ASPDH: variants seen among roughly 807,000 people sequenced by gnomAD.
The protein encoded by ASPDH is aspartate dehydrogenase domain containing.
Under a neutral mutation model 30.5 loss-of-function variants are expected in ASPDH, and 25 were observed. The ratio of observed to expected loss-of-function variants is 0.82; its 90% CI spans 0.60 to 1.14. ASPDH has a LOEUF of 1.14. ASPDH is among the 50% of genes most tolerant of loss of function. ASPDH has a pLI of 0.00. For synonymous variants in ASPDH, 168 were observed against 156.3 expected, an observed-to-expected ratio of 1.07 and a Z score of -0.56; for missense variants, 401 against 381.5, an observed-to-expected ratio of 1.05 and a Z score of -0.43.
At chr19:50,514,568 C>T (rs1032965444), upstream of ASPDH, 3 of 1,613,410 alleles carry the variant, frequency 1.9e-6, no homozygotes, top group Admixed American at 1.7e-5. Flanking sequence ...CCTCCCGTTC[C>T]CCAGCTCGCG....
chr19:50,513,626 G>T lies in ASPDH; in HGVS notation c.52+146C>A. The stretch of plus-strand genomic sequence containing the variant: ...GGGAGACAGAGACGGAGAGGACAGA[G>T]ACCTGGGGTGGGGGTGCAGTGGGCA... On this transcript the variant is annotated intron_variant, in intron 1 of 6. Transcript: ENST00000389208. The surrounding 1 kb of genome is among the most constrained non-coding windows in gnomAD (Gnocchi z 4.9). 2.6e-6 allele frequency: 2 copies of T among 769,390 alleles called. No individual in the cohort carries two copies. Among genetic ancestry groups the T allele is most frequent in the Non-Finnish European group, 2.1e-6 (1 of 466,544 alleles). 47.7% of individuals were successfully genotyped at this position (769,390 alleles called of 1,614,324 possible).
chr19:50,511,763 C>T lies in ASPDH; in HGVS notation c.819G>A (p.Gln273=). Residue 273 remains glutamine (Q), a synonymous_variant, in exon 7 of 7, where the codon CAG becomes CAA. Transcript: ENST00000389208. ...AFWQSLLACC[Q]LPSRPGIHLC is the part of the protein sequence containing the mutation. ...GATGGATCCCCGGCCTGGAGGGGAG[C>T]TGGCAGCAGGCTGCGGGGAGAGGGG... 1 of 1,311,152 alleles carries T rather than the reference C, an allele frequency of 7.6e-7. No homozygotes were observed. Among genetic ancestry groups the T allele is most frequent in the Non-Finnish European group, 9.8e-7 (1 of 1,024,654 alleles). 81.2% of individuals were successfully genotyped at this position (1,311,152 alleles called of 1,614,324 possible).
intron 6 of ASPDH, 169 bp downstream of exon 6, chr19:50,511,967 T>C: frequency 3.7e-6 from 2 of 545,504 alleles, no homozygotes; most frequent in East Asian, 4.6e-5. Context: ...TGGAGACATC[T>C]ACAGTGCCAG....
At chr19:50,511,917 G>A (rs1979917564) in intron 6 of ASPDH, 144 bp from the exon 7 acceptor site, 3 of 531,626 alleles carry the variant, frequency 5.6e-6, no homozygotes, top group Non-Finnish European at 8.9e-6. Flanking sequence ...CCTGGGGGTG[G>A]ACAGAGACAG....
chr19:50,514,428 C>T (rs781653499), upstream of ASPDH: 1 of 1,613,150 alleles, frequency 6.2e-7, no homozygotes, highest in Non-Finnish European at 8.5e-7. Context: ...TTCCCACAGC[C>T]TCCGCCCCTG....
Position 50,513,804 on chromosome 19 carries a change from C to CA in ASPDH, c.19dup (p.Trp7LeufsTer37). On this transcript the variant is annotated frameshift_variant, in exon 1 of 7. Transcript: ENST00000389208. LOFTEE classifies it high-confidence loss of function. This position sits in a 1 kb window ranked among gnomAD's most constrained non-coding sequence, Gnocchi z 4.9. ...GCCATAGCCCACCACGCCCACCCTC[C>CA]ACGGGCCCCTGTCGGCCATGGCCCT... is the stretch of plus-strand genomic sequence containing the variant. 6.4e-7 allele frequency: 1 copy of CA among 1,550,958 alleles called. No homozygotes were observed. Among genetic ancestry groups the CA allele is most frequent in the African/African-American group, 1.4e-5 (1 of 73,148 alleles).
rs963031207 is a variant in ASPDH, at chr19:50,513,396, G to A, written c.73C>T (p.Leu25Phe). 10 of 1,520,872 alleles carry A rather than the reference G, an allele frequency of 6.6e-6. No homozygotes were observed. The highest frequency in any genetic ancestry group is 7.1e-6 in the Non-Finnish European group (8 of 1,133,558). 94.2% of individuals were successfully genotyped at this position (1,520,872 alleles called of 1,614,324 possible). A position where few individuals can be genotyped will look rare whatever the true frequency, so the allele number is the denominator to read the frequency against. The stretch of plus-strand genomic sequence containing the variant: ...CCAAGTTCTGGTCCCTGAGCCAAGA[G>A]GCGGGAGACGAGGGACTGTCCTGGG... ...GRLGQSLVSR[L>F]LAQGPELGLE... The change falls in exon 2 of 7, where the codon CTC becomes TTC. Residue 25 changes from leucine to phenylalanine, a missense_variant. By Grantham distance (22) the Leu-to-Phe change is conservative. Transcript: ENST00000389208. The surrounding 1 kb of genome is among the most constrained non-coding windows in gnomAD (Gnocchi z 4.9).
Position 50,513,850 on chromosome 19 carries a change from G to A in ASPDH, c.-27C>T, listed in dbSNP as rs1980109371. On this transcript the variant is annotated 5_prime_UTR_variant, in exon 1 of 7. Transcript: ENST00000389208. This position sits in a 1 kb window ranked among gnomAD's most constrained non-coding sequence, Gnocchi z 4.9. ...GCCCTGAGTGCGGTGTCTGGGGCCT[G>A]GCTCCCTGGGCTGCTCGCTGCCCGC... The A allele has an allele frequency of 1.9e-6, 3 of 1,546,166 alleles. No individual in the cohort carries two copies. The highest frequency in any genetic ancestry group is 2.6e-6 in the Non-Finnish European group (3 of 1,144,962).
At chr19:50,514,793 G>T, upstream of ASPDH, 2 of 1,269,164 alleles carry the variant, frequency 1.6e-6, no homozygotes, top group Non-Finnish European at 2.0e-6. Flanking sequence ...GAGCGTGAAC[G>T]GGAGCATGGG....
At chr19:50,513,951 C>T (rs1006662232), upstream of ASPDH, 198 of 1,250,344 alleles carry the variant, frequency 1.6e-4, no homozygotes, top group East Asian at 4.4e-3. The surrounding 1 kb of genome is among the most constrained non-coding windows in gnomAD (Gnocchi z 4.9). Context: ...CCCCCTTCCC[C>T]GCAGGCCCAG....
Position 50,512,434 on chromosome 19 carries a change from G to A in ASPDH, c.579C>T (p.Thr193=), listed in dbSNP as rs751120425. 2 of 1,612,204 alleles carry A rather than the reference G, an allele frequency of 1.2e-6. No individual in the cohort carries two copies. The highest frequency in any genetic ancestry group is 2.2e-5 in the East Asian group (1 of 44,870). ...LCPFAPRNSN[T]MAAAALAAPS... ...GGGCAGCCAGGGCAGCCGCCGCCAT[G>A]GTGTTGGAATTTCGCGGGGCAAAGG... The change falls in exon 5 of 7, where the codon ACC becomes ACT. Residue 193 remains threonine (T), a synonymous_variant. Coordinates refer to ENST00000389208, the MANE Select transcript of ASPDH (RefSeq NM_001114598.2).
chr19:50,512,669 C>T lies in ASPDH; in HGVS notation c.424G>A (p.Gly142Ser), dbSNP rs1239591537. ...AGCCCAGCAGGCCTCACCCGGAGGCCCCCAGCTGCATCCAATCTCCTGATG... is the reference window on the plus strand; with the variant it reads ...AGCCCAGCAGGCCTCACCCGGAGGCTCCCAGCTGCATCCAATCTCCTGATG... The part of the protein sequence containing the change: ...EDIRRLDAAG[G>S]LRSLRVTMAT... The change falls in exon 4 of 7, where the codon GGC (glycine) becomes AGC (serine). Residue 142 changes from glycine (G) to serine (S), a missense_variant. Coordinates refer to ENST00000389208, the MANE Select transcript of ASPDH (RefSeq NM_001114598.2). 5.2e-6 allele frequency: 8 copies of T among 1,543,964 alleles called. No individual in the cohort carries two copies. Among genetic ancestry groups the T allele is most frequent in the Non-Finnish European group, 6.1e-6 (7 of 1,143,974 alleles).
chr19:50,514,528 C>T, upstream of ASPDH: 1 of 1,614,116 alleles, frequency 6.2e-7, no homozygotes, highest in Non-Finnish European at 8.5e-7. Flanking sequence ...CAGCTGCCTC[C>T]AGTGTGACGT....
At chr19:50,514,433 C>A, upstream of ASPDH, 1 of 1,613,512 alleles carries the variant, frequency 6.2e-7, no homozygotes, top group Non-Finnish European at 8.5e-7. Context: ...ACAGCCTCCG[C>A]CCCTGTCCAC....
upstream of ASPDH, chr19:50,514,771 T>A (rs966271627): frequency 5.4e-6 from 6 of 1,120,426 alleles, no homozygotes; most frequent in Non-Finnish European, 6.6e-6. Flanking sequence ...GGAAGGAGGC[T>A]GGAGAGAAAG....
rs775696348 is a variant in ASPDH, at chr19:50,512,306, C to G, written c.654-16G>C. ...GTCCGTGAGGCTGGGACAAGAGGGG[C>G]AGTCAGTCTGGAGAGCCTGGACTCA... On this transcript the variant is annotated splice_polypyrimidine_tract_variant and intron_variant, in intron 5 of 6. Transcript: ENST00000389208. The G allele has an allele frequency of 1.9e-6, 3 of 1,613,850 alleles. No individual in the cohort carries two copies. In the East Asian group the frequency reaches 6.7e-5, roughly 36 times the overall value.
chr19:50,513,325 TG>T lies in ASPDH; in HGVS notation c.143del (p.Ala48GlufsTer32), dbSNP rs1980077310. On this transcript the variant is annotated frameshift_variant, in exon 2 of 7. Transcript: ENST00000389208. LOFTEE classifies it high-confidence loss of function. The surrounding 1 kb of genome is among the most constrained non-coding windows in gnomAD (Gnocchi z 4.9). ...GCTGCAGGGAAGGGGGCACGCTCCC[TG>T]CCATTCGTCCTGGGTCACGATTCCA... ...FVWNRDPGRM[A>X]GSVPPSLQLQ... 1 of 1,537,722 alleles carries T rather than the reference TG, an allele frequency of 6.5e-7. No homozygotes were observed. Among genetic ancestry groups the T allele is most frequent in the South Asian group, 1.2e-5 (1 of 81,812 alleles).
In ASPDH at chr19:50,513,712, A is replaced by T. The variant is rs1010036087; in HGVS notation, c.52+60T>A. On this transcript the variant is annotated intron_variant, in intron 1 of 6. Transcript: ENST00000389208. This position sits in a 1 kb window ranked among gnomAD's most constrained non-coding sequence, Gnocchi z 4.9. ...AAAAAAGTGTTTGTGGAGGGCAGAG[A>T]GTCTTGGGAGCTTTAGGAAGGGGTT... 3.2e-6 allele frequency: 4 copies of T among 1,266,960 alleles called. No homozygotes were observed. Among genetic ancestry groups the T allele is most frequent in the East Asian group, 2.5e-5 (1 of 39,436 alleles). 78.5% of individuals were successfully genotyped at this position (1,266,960 alleles called of 1,614,324 possible).
upstream of ASPDH, chr19:50,513,935 A>AAG: frequency 2.9e-6 from 4 of 1,357,272 alleles, no homozygotes; most frequent in Non-Finnish European, 3.0e-6. This position sits in a 1 kb window ranked among gnomAD's most constrained non-coding sequence, Gnocchi z 4.9. Flanking sequence ...CTCTGGGCTC[A>AAG]GTCTTCCCCC....
Sources: allele counts gnomAD v4.1 joint callset, GRCh38; gene constraint gnomAD v4.1.1; non-coding constraint Gnocchi (gnomAD v3.1); transcripts MANE v1.5; gene names NCBI Gene and HGNC (gene_info 2026-07-23, HGNC 2026-07-21).